Variants in SORL1 observed in about 807,000 individuals in gnomAD.
The protein encoded by SORL1 is sortilin-related receptor.
In SORL1, 127 loss-of-function variants were observed where a neutral mutation model predicts 273.7. The observed-to-expected ratio is 0.46, with a 90% CI of 0.40 to 0.54. SORL1 has a LOEUF of 0.54. Among genes scored for constraint, SORL1 ranks in the 20% least tolerant of loss-of-function variants. The pLI, the probability that SORL1 is intolerant of heterozygous loss-of-function variation, is 0.00. For missense variants in SORL1, 2,494 were observed against 2,846.1 expected (o/e 0.88, Z 2.81); for synonymous variants, 1,031 against 1,067.4 (o/e 0.97, Z 0.66).
rs1240007741 is a variant in SORL1, at chr11:121,629,959, T to C, written c.*396T>C. ...GTGGAACCCCTTCTCCTTGAAAGTG[T>C]GTACAGATATTCCATTTTGTTTGGA... is the stretch of plus-strand genomic sequence containing the variant. On this transcript the variant is annotated 3_prime_UTR_variant, in exon 48 of 48. Coordinates refer to ENST00000260197, the MANE Select transcript of SORL1 (RefSeq NM_003105.6). 1 of 195,666 alleles carries C rather than the reference T, an allele frequency of 5.1e-6. No homozygotes were observed. The allele number at this position is 195,666 out of a possible 1,614,324, so 12.1% of individuals were successfully genotyped here.
chr11:121,580,133 T>C (rs1862991647), intron 25 of SORL1, among the ~76,000 whole-genome samples: 1 of 152,358 alleles, frequency 6.6e-6, no homozygotes, highest in Admixed American at 6.5e-5. Flanking sequence ...TTACTTATCC[T>C]GCTTGAGACT....
chr11:121,504,164 A>G (rs1051476606), intron 6 of SORL1, among the ~76,000 whole-genome samples: 10 of 152,212 alleles, frequency 6.6e-5, no homozygotes, highest in Non-Finnish European at 1.0e-4. Context: ...CTGTAATATC[A>G]GCACTTTGGG....
intron 23 of SORL1, among the ~76,000 whole-genome samples, chr11:121,571,714 C>T (rs1383684003): frequency 6.6e-6 from 1 of 152,336 alleles, no homozygotes; most frequent in East Asian, 1.9e-4. Flanking sequence ...ACATCTGGGC[C>T]CTGCAATCCT....
At chr11:121,566,616 G>T in intron 21 of SORL1, 1 of 260,104 alleles carries the variant, frequency 3.8e-6, no homozygotes, top group Non-Finnish European at 7.4e-6. Flanking sequence ...CAACACCCAT[G>T]CTCTGTGACC....
chr11:121,582,529 C>A (rs1033865347), intron 25 of SORL1, among the ~76,000 whole-genome samples: 1 of 152,116 alleles, frequency 6.6e-6, no homozygotes, highest in African/African-American at 2.4e-5. Context: ...TGGAGAGGAC[C>A]GTTAGGAGTG....
Position 121,615,139 on chromosome 11 carries a change from C to G in SORL1, c.5604+84C>G. 6 of 1,203,852 alleles carry G rather than the reference C, an allele frequency of 5.0e-6. No individual in the cohort carries two copies. The South Asian group carries it at 5.0e-5, about 10-fold the overall frequency. The allele number at this position is 1,203,852 out of a possible 1,614,324, so 74.6% of individuals were successfully genotyped here. A position where few individuals can be genotyped will look rare whatever the true frequency, so the allele number is the denominator to read the frequency against. On this transcript the variant is annotated intron_variant, in intron 41 of 47. Coordinates refer to ENST00000260197, the MANE Select transcript of SORL1 (RefSeq NM_003105.6). ...CACCACACAACTCCAGGGCTTTTCT[C>G]TCTTTTGCAAATGTTCCGGTGCCCC...
chr11:121,606,140 C>T (rs1863469807), intron 35 of SORL1, among the ~76,000 whole-genome samples: 1 of 152,180 alleles, frequency 6.6e-6, no homozygotes, highest in Admixed American at 6.5e-5. Context: ...CTAGGCTGGT[C>T]TTGAGCTACT....
intron 25 of SORL1, 26 bp from the exon 26 acceptor site, chr11:121,583,432 G>A (rs201900417): frequency 4.8e-5 from 77 of 1,602,038 alleles, no homozygotes; most frequent in Non-Finnish European, 6.5e-5. Flanking sequence ...AGGGGTGTGC[G>A]ACTGTGTCTC....
At chr11:121,539,433 C>A (rs1278179375) in intron 12 of SORL1, among the ~76,000 whole-genome samples, 1 of 152,096 alleles carries the variant, frequency 6.6e-6, no homozygotes, top group African/African-American at 2.4e-5. Context: ...TTTTTGAGAT[C>A]TTTGTTCTTC....
chr11:121,584,240 A>C (rs1156426659), intron 26 of SORL1, among the ~76,000 whole-genome samples: 5 of 152,176 alleles, frequency 3.3e-5, no homozygotes, highest in Non-Finnish European at 5.9e-5. Context: ...TTTCCAAGGG[A>C]TTACATCAAA....
chr11:121,605,021 T>C, intron 33 of SORL1, 92 bp from the exon 34 acceptor site: 1 of 1,094,118 alleles, frequency 9.1e-7, no homozygotes, highest in Non-Finnish European at 1.3e-6. Context: ...TTTGCCCGCC[T>C]CGGCCTCCCA....
In SORL1 at chr11:121,619,901, C is replaced by G. The variant is rs768270783; in HGVS notation, c.5873C>G (p.Ser1958Cys). 3 of 1,613,778 alleles carry G rather than the reference C, an allele frequency of 1.9e-6. No individual in the cohort carries two copies. Among genetic ancestry groups the G allele is most frequent in the Non-Finnish European group, 2.5e-6 (3 of 1,179,888 alleles). The stretch of plus-strand genomic sequence containing the variant: ...ATCAAGTGGGAATCACCGTATGACT[C>G]TCCTGACCAGGACTTGGTGAGTGGG... ...VVIKWESPYDSPDQDLLYAVA... is the reference protein window; with the variant it reads ...VVIKWESPYDCPDQDLLYAVA... The change falls in exon 43 of 48, where the codon TCT (serine) becomes TGT (cysteine). Residue 1958 changes from serine (S) to cysteine (C), a missense_variant. By Grantham distance (112) the Ser-to-Cys change is moderately radical. Transcript: ENST00000260197.
chr11:121,489,618 A>G (rs1288884159), intron 4 of SORL1, among the ~76,000 whole-genome samples: 4 of 152,210 alleles, frequency 2.6e-5, no homozygotes, highest in African/African-American at 9.7e-5. Context: ...TTATTTGCTT[A>G]TCCCTCATGG....
At chr11:121,455,699 T>C (rs1327666664) in intron 1 of SORL1, among the ~76,000 whole-genome samples, 1 of 152,238 alleles carries the variant, frequency 6.6e-6, no homozygotes, top group Non-Finnish European at 1.5e-5. Context: ...CTGGCAGATA[T>C]CAGGACTTTT....
At chr11:121,478,414 A>G (rs1018489547) in intron 3 of SORL1, among the ~76,000 whole-genome samples, 171 bp downstream of exon 3, 2 of 152,196 alleles carry the variant, frequency 1.3e-5, no homozygotes, top group Non-Finnish European at 2.9e-5. Context: ...TGCTGTTCTC[A>G]GGGTTGGTCT....
intron 32 of SORL1, among the ~76,000 whole-genome samples, chr11:121,599,021 TG>T (rs1206516725): frequency 1.3e-5 from 2 of 152,212 alleles, no homozygotes; most frequent in Non-Finnish European, 2.9e-5. Flanking sequence ...GATTTCTTTT[TG>T]TTTTGTTTAT....
At chr11:121,565,292 T>G (rs1441953891) in intron 21 of SORL1, among the ~76,000 whole-genome samples, 1 of 152,256 alleles carries the variant, frequency 6.6e-6, no homozygotes, top group Admixed American at 6.5e-5. Flanking sequence ...TTCCTCTGGA[T>G]GTGTGTGTTT....
Position 121,558,577 on chromosome 11 carries a change from C to A in SORL1, c.2664-14C>A, listed in dbSNP as rs1211214705. On this transcript the variant is annotated splice_polypyrimidine_tract_variant and intron_variant, in intron 19 of 47. Transcript: ENST00000260197. ...GTATTGATGAGGTATGTGTTCTGTCCCCATTTTCGCTAGGGTGATGTTCTG... is the reference window on the plus strand; with the variant it reads ...GTATTGATGAGGTATGTGTTCTGTCACCATTTTCGCTAGGGTGATGTTCTG... The A allele has an allele frequency of 6.2e-7, 1 of 1,613,778 alleles. No homozygotes were observed. The highest frequency in any genetic ancestry group is 8.5e-7 in the Non-Finnish European group (1 of 1,179,950).
In SORL1 at chr11:121,490,033, G is replaced by T. The variant is rs767591761; in HGVS notation, c.691-10G>T. On this transcript the variant is annotated splice_polypyrimidine_tract_variant and intron_variant, in intron 4 of 47. Coordinates refer to ENST00000260197, the MANE Select transcript of SORL1 (RefSeq NM_003105.6). Reference sequence around the variant, plus strand: ...CATGCCTCTTGCATCATGACCACTTGTCTTTGCAGCTGTGGAAGTCAGATG... The same window carrying T: ...CATGCCTCTTGCATCATGACCACTTTTCTTTGCAGCTGTGGAAGTCAGATG... 1.8e-5 allele frequency: 29 copies of T among 1,610,918 alleles called. No homozygotes were observed. Among genetic ancestry groups the T allele is most frequent in the Middle Eastern group, 3.3e-4 (2 of 6,076 alleles).
Sources: gnomAD v4.1 joint callset for allele counts (sites outside exome capture counted in the v4.1 genomes callset) on GRCh38, gnomAD v4.1.1 for gene constraint, MANE v1.5 for transcripts, NCBI Gene and HGNC (gene_info 2026-07-23, HGNC 2026-07-21) for gene names.